The following JADE2 variants were observed in gnomAD, a reference collection of about 807,000 sequenced individuals.
JADE2 encodes the protein E3 ubiquitin-protein ligase Jade-2.
In JADE2, 13 loss-of-function variants were observed where a neutral mutation model predicts 85.7. The observed-to-expected ratio is 0.15, with a 90% confidence interval of 0.10 to 0.24. The LOEUF (loss-of-function observed/expected upper bound fraction) is 0.24. Ranked by LOEUF, JADE2 falls within the 10% of genes least tolerant of loss-of-function variation. The pLI is 1.00. For synonymous variants in JADE2, 440 were observed against 456.1 expected (o/e 0.96, Z 0.45); for missense variants, 846 against 1,115.9 (o/e 0.76, Z 3.45).
In JADE2 at chr5:134,564,595, A is replaced by G. The variant is rs372899480; in HGVS notation, c.954A>G (p.Thr318=). The change falls in exon 8 of 12, where the codon ACA becomes ACG. Residue 318 remains threonine (T), a synonymous_variant. Coordinates refer to ENST00000681547, the MANE Select transcript of JADE2 (RefSeq NM_001388185.1). ...CCTGCAGCCTCTGCAAGGAATGCAC[A>G]GGCACCTGCATCCAGGTATGTGGCC... ...ALSCSLCKEC[T]GTCIQCSMPS... 30 of 1,553,756 alleles carry G rather than the reference A, an allele frequency of 1.9e-5. No individual in the cohort carries two copies. Among genetic ancestry groups the G allele is most frequent in the South Asian group, 1.2e-4 (10 of 83,958 alleles).
At position 134,573,731 on chromosome 5, in the gene JADE2, G is replaced by A. The variant is rs1764181005; in HGVS notation, c.1521G>A (p.Gln507=). 10 of 1,613,162 alleles carry A rather than the reference G, an allele frequency of 6.2e-6. No individual in the cohort carries two copies. Among genetic ancestry groups the A allele is most frequent in the South Asian group, 3.3e-5 (3 of 91,060 alleles). Residue 507 remains glutamine, a synonymous_variant, in exon 10 of 12, where the codon CAG becomes CAA. Transcript: ENST00000681547. ...TCCAGGAGCAGATATTCCACCTGCA[G>A]ATGAAACTTATTGAACAGGATCTGT... ...CKLQEQIFHL[Q]MKLIEQDLCR...
chr5:134,541,943 C>T, intron 3 of JADE2, among the ~76,000 whole-genome samples: 1 of 152,274 alleles, frequency 6.6e-6, no homozygotes, highest in Non-Finnish European at 1.5e-5. Context: ...AGCTTCCCAT[C>T]TGGCCCTTGC....
Position 134,566,502 on chromosome 5 carries a change from C to T in JADE2, c.1356C>T (p.Asp452=). 6.2e-7 allele frequency: 1 copy of T among 1,609,530 alleles called. No individual in the cohort carries two copies. The highest frequency in any genetic ancestry group is 1.1e-5 in the South Asian group (1 of 90,420). ...TGACCCCCAAGACCGACGAGGTGGA[C>T]AACCTGGCCCAGCAGGAGCAGGACG... ...PLLTPKTDEV[D]NLAQQEQDVL... The change falls in exon 9 of 12, where the codon GAC becomes GAT. Residue 452 remains aspartate (D), a synonymous_variant. Coordinates refer to ENST00000681547, the MANE Select transcript of JADE2 (RefSeq NM_001388185.1). This position sits in a 1 kb window ranked among gnomAD's most constrained non-coding sequence, Gnocchi z 6.7.
Position 134,562,656 on chromosome 5 carries a change from C to T in JADE2, c.852+289C>T, listed in dbSNP as rs1158996521. ...GCAGGCACCTGTAGTCCCAGCTACTCAGGAGGCAGAGGCAGGAGAATCACT... is the reference window on the plus strand; with the variant it reads ...GCAGGCACCTGTAGTCCCAGCTACTTAGGAGGCAGAGGCAGGAGAATCACT... On this transcript the variant is annotated intron_variant, in intron 7 of 11. Coordinates refer to ENST00000681547, the MANE Select transcript of JADE2 (RefSeq NM_001388185.1). The surrounding 1 kb of genome is among the most constrained non-coding windows in gnomAD (Gnocchi z 4.6). Among the ~76,000 whole-genome samples the T allele has an allele frequency of 1.3e-5, 2 of 152,066 alleles. No individual in the cohort carries two copies. Among genetic ancestry groups the T allele is most frequent in the Non-Finnish European group, 2.9e-5 (2 of 68,008 alleles).
rs753436842 is a variant in JADE2, at chr5:134,560,800, C to G, written c.527C>G (p.Thr176Ser). 6.2e-7 allele frequency: 1 copy of G among 1,614,180 alleles called. No homozygotes were observed. Among genetic ancestry groups the G allele is most frequent in the African/African-American group, 1.3e-5 (1 of 75,048 alleles). ...TLERVLEELE[T>S]LCHQNMARAI... The stretch of plus-strand genomic sequence containing the variant: ...GAGCGTGTGCTGGAGGAGCTGGAGA[C>G]CCTGTGCCACCAGAATATGGCCAGG... Residue 176 changes from threonine (T) to serine (S), a missense_variant, in exon 6 of 12, where the codon ACC (threonine) becomes AGC (serine). By Grantham distance (58) the Thr-to-Ser change is moderately conservative. This residue lies in a region of JADE2 where 129 missense variants were observed against 255.4 expected (regional missense o/e 0.51). Transcript: ENST00000681547.
intron 8 of JADE2, among the ~76,000 whole-genome samples, chr5:134,565,826 C>CG (rs534974152): frequency 7.1e-6 from 1 of 141,676 alleles, no homozygotes. Flanking sequence ...GACTCTGTCT[C>CG]AAAAAAAAAA....
At chr5:134,528,293 C>G (rs752457924) in intron 1 of JADE2, among the ~76,000 whole-genome samples, 47 of 152,152 alleles carry the variant, frequency 3.1e-4, no homozygotes, top group Non-Finnish European at 4.3e-4. Context: ...CCGGGCCTGG[C>G]TTTGTTTCCT....
rs182019117 is a variant in JADE2, at chr5:134,542,001, G to A, written c.153+3918G>A. Among the ~76,000 whole-genome samples, 5 of 152,378 alleles carry A rather than the reference G, an allele frequency of 3.3e-5. 1 individual carries two copies. Among genetic ancestry groups the A allele is most frequent in the Non-Finnish European group, 7.3e-5 (5 of 68,038 alleles). On this transcript the variant is annotated intron_variant, in intron 3 of 11. Coordinates refer to ENST00000681547, the MANE Select transcript of JADE2 (RefSeq NM_001388185.1). ...GCCAGAGTGAAGGGGGAGTGAGTGC[G>A]GGCCTCCGAGCTGAGAGCTGAAGGC...
At chr5:134,567,650 G>A (rs371978209) in intron 9 of JADE2, among the ~76,000 whole-genome samples, 86 of 152,324 alleles carry the variant, frequency 5.6e-4, no homozygotes, top group African/African-American at 1.9e-3. Flanking sequence ...TATCTGCATC[G>A]CAGTGGGCAA....
chr5:134,526,833 C>G (rs1760859980), intron 1 of JADE2: 3 of 877,408 alleles, frequency 3.4e-6, no homozygotes, highest in Non-Finnish European at 4.1e-6. Context: ...CCTCCGGGGC[C>G]GCGCGGTAGT....
intron 1 of JADE2, chr5:134,526,274 A>T (rs1452764307): frequency 4.1e-6 from 4 of 985,200 alleles, no homozygotes; most frequent in South Asian, 4.7e-5. Context: ...ATGCAACAAC[A>T]ACTTTTGGAA....
intron 1 of JADE2, among the ~76,000 whole-genome samples, chr5:134,529,152 C>T (rs1298051369): frequency 6.6e-6 from 1 of 152,180 alleles, no homozygotes; most frequent in Non-Finnish European, 1.5e-5. Flanking sequence ...GGCTTCTAGT[C>T]CAAATTCTTC....
intron 6 of JADE2, among the ~76,000 whole-genome samples, chr5:134,561,917 C>T (rs375594704): frequency 3.5e-4 from 54 of 152,234 alleles, no homozygotes; most frequent in African/African-American, 1.3e-3. Flanking sequence ...TGGTTAGGAA[C>T]CTCCGGCTAA....
intron 1 of JADE2, among the ~76,000 whole-genome samples, chr5:134,527,433 C>T (rs1357165902): frequency 6.6e-6 from 1 of 152,082 alleles, no homozygotes; most frequent in African/African-American, 2.4e-5. Context: ...GCCAGGAAGG[C>T]TTCACTCTAG....
chr5:134,543,717 A>G (rs111941311), intron 3 of JADE2, among the ~76,000 whole-genome samples: 85 of 152,302 alleles, frequency 5.6e-4, no homozygotes, highest in African/African-American at 1.9e-3. Flanking sequence ...GACAACTGCC[A>G]TAGACTTTTC....
chr5:134,560,457 C>T (rs1378585564), intron 5 of JADE2, among the ~76,000 whole-genome samples: 1 of 152,176 alleles, frequency 6.6e-6, no homozygotes, highest in Non-Finnish European at 1.5e-5. Flanking sequence ...TGGAGCTGGC[C>T]GCATCCCAGA....
In JADE2 at chr5:134,578,984, C is replaced by A. The variant is rs553504753; in HGVS notation, c.2172C>A (p.Thr724=). The change falls in exon 12 of 12, where the codon ACC becomes ACA. Residue 724 remains threonine (T), a synonymous_variant. Transcript: ENST00000681547. This position sits in a 1 kb window ranked among gnomAD's most constrained non-coding sequence, Gnocchi z 4.4. ...GCCCCCCGCCACTGGCCCCTGAGAC[C>A]CCGGACGAGGCAGCCTCAGTAGCTG... ...PESPPPLAPE[T]PDEAASVAAD... is the part of the protein sequence containing the mutation. The A allele has an allele frequency of 1.1e-4, 176 of 1,613,644 alleles. 1 individual carries two copies. The highest frequency in any genetic ancestry group is 1.4e-4 in the Non-Finnish European group (166 of 1,179,978).
chr5:134,562,469 C>A lies in JADE2; in HGVS notation c.852+102C>A. 1 of 1,218,112 alleles carries A rather than the reference C, an allele frequency of 8.2e-7. No individual in the cohort carries two copies. The highest frequency in any genetic ancestry group is 1.1e-6 in the Non-Finnish European group (1 of 870,706). 75.5% of individuals were successfully genotyped at this position (1,218,112 alleles called of 1,614,324 possible). A position where few individuals can be genotyped will look rare whatever the true frequency, so the allele number is the denominator to read the frequency against. On this transcript the variant is annotated intron_variant, in intron 7 of 11. Coordinates refer to ENST00000681547, the MANE Select transcript of JADE2 (RefSeq NM_001388185.1). This position sits in a 1 kb window ranked among gnomAD's most constrained non-coding sequence, Gnocchi z 4.6. ...AGCACTGGGAAAAGAAGGTGATGGACTCGCACTAAAACACTGAGATCGGCC... is the reference window on the plus strand; with the variant it reads ...AGCACTGGGAAAAGAAGGTGATGGAATCGCACTAAAACACTGAGATCGGCC...
intron 1 of JADE2, chr5:134,526,877 G>T: frequency 3.1e-6 from 2 of 646,504 alleles, no homozygotes; most frequent in Non-Finnish European, 1.9e-6. Flanking sequence ...GAGTGGAAAT[G>T]TACCGGCGGC....
Sources: allele counts gnomAD v4.1 joint callset (sites outside exome capture counted in the v4.1 genomes callset), GRCh38; gene constraint gnomAD v4.1.1; regional missense constraint gnomAD v4.1.1; non-coding constraint Gnocchi (gnomAD v3.1); transcripts MANE v1.5; gene names NCBI Gene and HGNC (gene_info 2026-07-23, HGNC 2026-07-21).